The following PPP1R9A variants were observed in gnomAD, a reference collection of about 807,000 sequenced individuals.
The protein encoded by PPP1R9A is protein phosphatase 1 regulatory subunit 9A.
Under a neutral mutation model 141.9 loss-of-function variants are expected in PPP1R9A, and 59 were observed. The observed-to-expected ratio is 0.42, with a 90% confidence interval of 0.34 to 0.52. PPP1R9A has a LOEUF of 0.52. Among genes scored for constraint, PPP1R9A ranks in the 20% least tolerant of loss-of-function variants. The pLI, the probability that PPP1R9A is intolerant of heterozygous loss-of-function variation, is 0.10. For synonymous variants in PPP1R9A, 500 were observed against 569.7 expected, an observed-to-expected ratio of 0.88 and a Z score of 1.74; for missense variants, 1,444 against 1,611.9, an observed-to-expected ratio of 0.90 and a Z score of 1.78.
At chr7:95,092,303 A>G (rs1817461431) in intron 2 of PPP1R9A, among the ~76,000 whole-genome samples, 1 of 151,572 alleles carries the variant, frequency 6.6e-6, no homozygotes, top group Non-Finnish European at 1.5e-5. Flanking sequence ...AGGCACAGCC[A>G]TCAGAGGAGC....
chr7:94,980,633 A>G (rs1799995560), intron 2 of PPP1R9A, among the ~76,000 whole-genome samples: 1 of 150,070 alleles, frequency 6.7e-6, no homozygotes, highest in Non-Finnish European at 1.5e-5. Context: ...AAAAAGTTGG[A>G]CATGAGCTAA....
At position 95,179,585 on chromosome 7, in the gene PPP1R9A, CTG is replaced by C. The variant is rs369420380; in HGVS notation, c.1754+17616_1754+17617del. ...CATAAAGAGGAAGTCAGAAGTGTCA[CTG>C]TTTGCTGATGATATGATCATTTACT... On this transcript the variant is annotated intron_variant, in intron 5 of 19. Coordinates refer to ENST00000433360, the MANE Select transcript of PPP1R9A (RefSeq NM_001166160.2). Among the ~76,000 whole-genome samples, 18 of 152,182 alleles carry C rather than the reference CTG, an allele frequency of 1.2e-4. No homozygotes were observed. In the East Asian group the frequency reaches 3.1e-3, roughly 26 times the overall value.
At chr7:95,219,443 T>C (rs1456121755) in intron 7 of PPP1R9A, among the ~76,000 whole-genome samples, 1 of 152,148 alleles carries the variant, frequency 6.6e-6, no homozygotes, top group East Asian at 1.9e-4. Context: ...GACAATTATG[T>C]GTCTTGGAGT....
chr7:95,005,724 C>A (rs1273957711), intron 2 of PPP1R9A, among the ~76,000 whole-genome samples: 1 of 152,106 alleles, frequency 6.6e-6, no homozygotes, highest in Non-Finnish European at 1.5e-5. Context: ...TAAAGCATTT[C>A]TTTAAGATCT....
chr7:94,910,513 C>A lies in PPP1R9A; in HGVS notation c.400C>A (p.Pro134Thr). ...ISRFDTMYDG[P>T]SYSKFTETRK... is the part of the protein sequence containing the mutation. ...TAGATTTGACACTATGTACGATGGC[C>A]CTTCATATTCCAAGTTCACTGAGAC... Residue 134 changes from proline (P) to threonine (T), a missense_variant, in exon 2 of 20, where the codon CCT (proline) becomes ACT (threonine). By Grantham distance (38) the Pro-to-Thr change is conservative. Around this residue, in one of 5 missense-constraint regions of PPP1R9A, gnomAD observed 490 missense variants for 521.1 expected, o/e 0.94. Transcript: ENST00000433360. This position sits in a 1 kb window ranked among gnomAD's most constrained non-coding sequence, Gnocchi z 4.5. 1.2e-6 allele frequency: 2 copies of A among 1,614,074 alleles called. No individual in the cohort carries two copies. The highest frequency in any genetic ancestry group is 1.7e-6 in the Non-Finnish European group (2 of 1,180,028).
chr7:95,286,442 T>C (rs1805349707), intron 18 of PPP1R9A, 117 bp downstream of exon 18: 2 of 1,432,650 alleles, frequency 1.4e-6, no homozygotes, highest in Non-Finnish European at 1.8e-6. Flanking sequence ...AGGACTGTGG[T>C]TTATGTTTAA....
At chr7:95,054,407 G>A (rs1811233046) in intron 2 of PPP1R9A, among the ~76,000 whole-genome samples, 1 of 152,036 alleles carries the variant, frequency 6.6e-6, no homozygotes, top group African/African-American at 2.4e-5. Context: ...TTATAGGTGT[G>A]AGCCACCATG....
intron 2 of PPP1R9A, among the ~76,000 whole-genome samples, chr7:95,072,189 T>C (rs1445694853): frequency 2.0e-5 from 3 of 148,498 alleles, no homozygotes; most frequent in Non-Finnish European, 4.5e-5. Flanking sequence ...ACTGTTCTTT[T>C]TATTTTCTTA....
At chr7:95,079,165 G>A (rs1247900295) in intron 2 of PPP1R9A, among the ~76,000 whole-genome samples, 3 of 152,292 alleles carry the variant, frequency 2.0e-5, no homozygotes, top group African/African-American at 4.8e-5. Flanking sequence ...TGTATAAGGT[G>A]TAAGGAAGGG....
At chr7:95,214,231 T>C (rs1792791655) in intron 7 of PPP1R9A, 2 of 152,194 alleles carry the variant, frequency 1.3e-5, no homozygotes, top group South Asian at 4.1e-4. Context: ...TCAGAATCTC[T>C]CCCAAGGCTG....
intron 12 of PPP1R9A, among the ~76,000 whole-genome samples, chr7:95,263,993 G>C (rs746493216): frequency 2.0e-5 from 3 of 152,102 alleles, no homozygotes; most frequent in Non-Finnish European, 4.4e-5. Flanking sequence ...TGAGGATCCT[G>C]AGGGACAGAG....
intron 5 of PPP1R9A, among the ~76,000 whole-genome samples, chr7:95,167,392 A>G (rs1831429281): frequency 6.6e-6 from 1 of 152,178 alleles, no homozygotes; most frequent in Non-Finnish European, 1.5e-5. Flanking sequence ...AACCATATCA[A>G]TACCTCAACA....
In PPP1R9A at chr7:95,125,596, A is replaced by G. The variant is rs140031391; in HGVS notation, c.1649+4764A>G. 8.3e-4 allele frequency among the ~76,000 whole-genome samples: 126 copies of G among 152,330 alleles called. 1 individual carries two copies. The highest frequency in any genetic ancestry group is 1.4e-3 in the Non-Finnish European group (93 of 68,026). ...AATGCTGAATTGTAGAGTAAATCAC[A>G]TGGATGGTAACTGACAAAGGATGTT... is the stretch of plus-strand genomic sequence containing the variant. On this transcript the variant is annotated intron_variant, in intron 4 of 19. Transcript: ENST00000433360.
At chr7:95,167,171 A>G (rs1831392471) in intron 5 of PPP1R9A, among the ~76,000 whole-genome samples, 1 of 152,124 alleles carries the variant, frequency 6.6e-6, no homozygotes, top group Non-Finnish European at 1.5e-5. Flanking sequence ...TACATCTTAC[A>G]TGGATGACAG....
chr7:95,207,072 A>AG (rs1459429775), intron 7 of PPP1R9A, among the ~76,000 whole-genome samples: 10 of 152,278 alleles, frequency 6.6e-5, no homozygotes, highest in Non-Finnish European at 1.2e-4. Context: ...GAAAAAAAAA[A>AG]GCATATCTTT....
At chr7:95,272,465 T>TG (rs1308933516) in intron 14 of PPP1R9A, among the ~76,000 whole-genome samples, 1 of 152,244 alleles carries the variant, frequency 6.6e-6, no homozygotes, top group East Asian at 1.9e-4. Context: ...AGAGTAATGA[T>TG]GCAAATATGC....
At chr7:95,065,944 A>T (rs1226926847) in intron 2 of PPP1R9A, among the ~76,000 whole-genome samples, 1 of 152,192 alleles carries the variant, frequency 6.6e-6, no homozygotes, top group East Asian at 1.9e-4. Context: ...CATCCTACAA[A>T]GAGATTCACT....
intron 2 of PPP1R9A, among the ~76,000 whole-genome samples, chr7:95,002,473 G>T (rs1009289096): frequency 1.3e-5 from 2 of 152,154 alleles, no homozygotes; most frequent in Non-Finnish European, 2.9e-5. Context: ...CCTGAGAAAG[G>T]TGCTTGGTGC....
At chr7:95,127,507 C>CTTTTTTTTTCTTTCT (rs1823776601) in intron 4 of PPP1R9A, among the ~76,000 whole-genome samples, 1 of 145,776 alleles carries the variant, frequency 6.9e-6, no homozygotes, top group Admixed American at 6.8e-5. Flanking sequence ...TTTTTTCTTT[C>CTTTTTTTTTCTTTCT]TTTTTTTTTT....
Sources: allele counts gnomAD v4.1 joint callset (sites outside exome capture counted in the v4.1 genomes callset), GRCh38; gene constraint gnomAD v4.1.1; regional missense constraint gnomAD v4.1.1; non-coding constraint Gnocchi (gnomAD v3.1); transcripts MANE v1.5; gene names NCBI Gene and HGNC (gene_info 2026-07-23, HGNC 2026-07-21).